CPS1: variants seen among roughly 807,000 people sequenced by gnomAD.
CPS1 encodes the protein carbamoyl-phosphate synthase [ammonia], mitochondrial.
In CPS1, 109 loss-of-function variants were observed where a neutral mutation model predicts 174.6. That is an observed-to-expected ratio of 0.62 (90% CI 0.53 to 0.73). CPS1 has a LOEUF of 0.73. Ranked by LOEUF, CPS1 falls within the 30% of genes least tolerant of loss-of-function variation. The pLI, the probability that CPS1 is intolerant of heterozygous loss-of-function variation, is 0.00. For synonymous variants in CPS1, 637 were observed against 632.0 expected (o/e 1.01, Z -0.12); for missense variants, 1,689 against 1,821.9 (o/e 0.93, Z 1.33).
At chr2:210,553,375 A>G (rs1335323970), upstream of CPS1, among the ~76,000 whole-genome samples, 3 of 152,050 alleles carry the variant, frequency 2.0e-5, no homozygotes, top group Non-Finnish European at 4.4e-5. Context: ...AACATTTTCA[A>G]TACCAGATAT....
At chr2:210,651,566 C>T (rs1449500857) in intron 28 of CPS1, among the ~76,000 whole-genome samples, 3 of 152,184 alleles carry the variant, frequency 2.0e-5, no homozygotes, top group South Asian at 2.1e-4. Flanking sequence ...CTCAGCTGGT[C>T]TCATGTGAGT....
At chr2:210,677,864 G>A in intron 37 of CPS1, 23 bp from the exon 38 acceptor site, 2 of 1,564,100 alleles carry the variant, frequency 1.3e-6, no homozygotes, top group Non-Finnish European at 1.8e-6. Flanking sequence ...GGAGGGTGCT[G>A]ATTCCTACCA....
At chr2:210,485,642 A>G (rs935328680) in intron 1 of CPS1, among the ~76,000 whole-genome samples, 1 of 152,106 alleles carries the variant, frequency 6.6e-6, no homozygotes, top group Non-Finnish European at 1.5e-5. Flanking sequence ...ATTCCATTGT[A>G]TGAATTTGCT....
chr2:210,574,256 A>C (rs986569592), intron 2 of CPS1, among the ~76,000 whole-genome samples: 2 of 152,038 alleles, frequency 1.3e-5, no homozygotes, highest in African/African-American at 4.8e-5. Flanking sequence ...TAAAAACATG[A>C]CTAGATTGAT....
At chr2:210,511,436 G>A (rs1404067440) in intron 1 of CPS1, among the ~76,000 whole-genome samples, 1 of 152,050 alleles carries the variant, frequency 6.6e-6, no homozygotes, top group Admixed American at 6.6e-5. Flanking sequence ...AATGCTAAAT[G>A]ACGAGTTAAT....
At chr2:210,660,730 C>A (rs1328614715) in intron 32 of CPS1, 75 bp downstream of exon 32, 1 of 1,435,676 alleles carries the variant, frequency 7.0e-7, no homozygotes, top group Admixed American at 1.7e-5. Flanking sequence ...CATCAAAAAT[C>A]TTGTTACTTT....
chr2:210,541,687 A>G (rs1696436152), intron 1 of CPS1, among the ~76,000 whole-genome samples: 1 of 152,156 alleles, frequency 6.6e-6, no homozygotes, highest in Non-Finnish European at 1.5e-5. Flanking sequence ...TTAAACCAGT[A>G]TTTCTGTGAT....
chr2:210,618,281 T>C (rs1699383723), intron 21 of CPS1: 1 of 152,108 alleles, frequency 6.6e-6, no homozygotes, highest in South Asian at 2.1e-4. Flanking sequence ...TAAATAGGGA[T>C]ATTTTCTATT....
intron 28 of CPS1, among the ~76,000 whole-genome samples, chr2:210,652,487 T>C (rs1700587787): frequency 6.6e-6 from 1 of 152,042 alleles, no homozygotes; most frequent in African/African-American, 2.4e-5. Context: ...AGTAAGAACA[T>C]GCATTGAAAA....
intron 1 of CPS1, among the ~76,000 whole-genome samples, chr2:210,480,809 T>G (rs915043709): frequency 2.0e-5 from 3 of 152,188 alleles, no homozygotes; most frequent in African/African-American, 7.2e-5. Flanking sequence ...CAAGAGCATC[T>G]AAGCTTGAGT....
chr2:210,512,736 T>TTATATATATA (rs71043996), intron 1 of CPS1, among the ~76,000 whole-genome samples: 17 of 46,738 alleles, frequency 3.6e-4, no homozygotes, highest in Non-Finnish European at 4.2e-4. Flanking sequence ...TCCAGTAGTT[T>TTATATATATA]TATATATATA....
At chr2:210,587,927 G>T in intron 6 of CPS1, 131 bp from the exon 7 acceptor site, 1 of 832,078 alleles carries the variant, frequency 1.2e-6, no homozygotes. Flanking sequence ...TTAACTGCCA[G>T]TCACTCCCTA....
chr2:210,628,783 GA>G (rs1699771994), intron 21 of CPS1, among the ~76,000 whole-genome samples: 1 of 151,390 alleles, frequency 6.6e-6, no homozygotes, highest in Non-Finnish European at 1.5e-5. Flanking sequence ...CTGGGCAACA[GA>G]GTGAGACTCT....
chr2:210,608,856 C>G (rs912421492), intron 19 of CPS1, among the ~76,000 whole-genome samples: 2 of 151,894 alleles, frequency 1.3e-5, no homozygotes, highest in African/African-American at 4.8e-5. Flanking sequence ...TATGAAAACA[C>G]ATTCATATAC....
At chr2:210,589,192 G>A (rs1380328068) in intron 7 of CPS1, among the ~76,000 whole-genome samples, 1 of 151,990 alleles carries the variant, frequency 6.6e-6, no homozygotes, top group Non-Finnish European at 1.5e-5. Flanking sequence ...CTTATCCCTA[G>A]TGGTAACTAC....
At chr2:210,552,994 T>C (rs899093782), upstream of CPS1, among the ~76,000 whole-genome samples, 1 of 151,998 alleles carries the variant, frequency 6.6e-6, no homozygotes, top group Admixed American at 6.6e-5. Context: ...ACCCATATAT[T>C]GCACTGGTAT....
At chr2:210,675,659 A>G in intron 35 of CPS1, 69 bp from the exon 36 acceptor site, 2 of 812,036 alleles carry the variant, frequency 2.5e-6, no homozygotes. Flanking sequence ...TTTATGTTTT[A>G]AATTACATGT....
chr2:210,608,265 A>G, intron 18 of CPS1, 96 bp from the exon 19 acceptor site: 2 of 1,156,364 alleles, frequency 1.7e-6, no homozygotes, highest in Non-Finnish European at 1.3e-6. Context: ...CTGAAGTAGA[A>G]TAATACCAGA....
chr2:210,564,380 A>AT lies in CPS1; in HGVS notation c.126+7534dup, dbSNP rs1008911514. 6.0e-3 allele frequency among the ~76,000 whole-genome samples: 881 copies of AT among 146,530 alleles called. 8 individuals carry two copies. The highest frequency in any genetic ancestry group is 0.014 in the African/African-American group (550 of 40,290). On this transcript the variant is annotated intron_variant, in intron 1 of 37. Coordinates refer to ENST00000233072, the MANE Select transcript of CPS1 (RefSeq NM_001875.5). ...GCAACATTAAATTTAGTTAACAATG[A>AT]TTTTTTTTTTTTTGAGATGGAGTCT...
Sources: allele counts gnomAD v4.1 joint callset (sites outside exome capture counted in the v4.1 genomes callset), GRCh38; gene constraint gnomAD v4.1.1; transcripts MANE v1.5; gene names NCBI Gene and HGNC (gene_info 2026-07-23, HGNC 2026-07-21).